FAM131B: variants seen among roughly 807,000 people sequenced by gnomAD.
The protein encoded by FAM131B is protein FAM131B.
Under a neutral mutation model 42.0 loss-of-function variants are expected in FAM131B, and 19 were observed. The observed-to-expected ratio is 0.45, with a 90% CI of 0.32 to 0.66. The LOEUF is 0.66. Ranked by LOEUF, FAM131B falls within the 30% of genes least tolerant of loss-of-function variation. FAM131B has a pLI of 0.05. For missense variants in FAM131B, 370 were observed against 468.4 expected (o/e 0.79, Z 1.94); for synonymous variants, 183 against 177.6 (o/e 1.03, Z -0.24).
chr7:143,353,956 A>C lies in FAM131B; in HGVS notation c.*2594T>G, dbSNP rs1803540249. On this transcript the variant is annotated 3_prime_UTR_variant, in exon 7 of 7. Transcript: ENST00000443739. ...AGCCCTGTTCCAGGACTGCTGTAAA[A>C]CGTGCTGCACAGCCTTAACCCCAAA... 6.6e-6 allele frequency: 1 copy of C among 152,298 alleles called. No homozygotes were observed. The highest frequency in any genetic ancestry group is 6.6e-5 in the Admixed American group (1 of 15,250). The allele number at this position is 152,298 out of a possible 1,614,324, so 9.4% of individuals were successfully genotyped here.
chr7:143,360,203 C>T lies in FAM131B; in HGVS notation c.29-54G>A, dbSNP rs568731964. ...CCCTCACCTCCCTGTGCAGCCGAGG[C>T]GACACCCTGGGGCCAGCCCTTCACA... On this transcript the variant is annotated intron_variant, in intron 1 of 6. Coordinates refer to ENST00000443739, the MANE Select transcript of FAM131B (RefSeq NM_001031690.3). 69 of 1,556,168 alleles carry T rather than the reference C, an allele frequency of 4.4e-5. 2 individuals carry two copies. Among genetic ancestry groups the T allele is most frequent in the African/African-American group, 1.1e-4 (8 of 73,218 alleles).
chr7:143,381,888 C>A, the FAM131B span: 1 of 1,111,672 alleles, frequency 9.0e-7, no homozygotes, highest in Non-Finnish European at 1.2e-6. Context: ...GGGCTGGGCG[C>A]AGCCACCCTG....
At chr7:143,372,780 G>A in the FAM131B span, among the ~76,000 whole-genome samples, 1 of 152,116 alleles carries the variant, frequency 6.6e-6, no homozygotes, top group Non-Finnish European at 1.5e-5. Flanking sequence ...CCGACATGGT[G>A]AAACCTCGTC....
At chr7:143,381,838 T>G in the FAM131B span, 1 of 1,425,426 alleles carries the variant, frequency 7.0e-7, no homozygotes. Context: ...GGGCAGTCGT[T>G]TCGGGAATTT....
chr7:143,381,541 C>T, the FAM131B span: 6 of 1,597,824 alleles, frequency 3.8e-6, no homozygotes, highest in East Asian at 9.1e-5. Context: ...CTGCGTAACC[C>T]GGCGACCCAC....
chr7:143,380,740 G>T, the FAM131B span: 2 of 985,386 alleles, frequency 2.0e-6, no homozygotes, highest in Non-Finnish European at 2.4e-6. This position sits in a 1 kb window ranked among gnomAD's most constrained non-coding sequence, Gnocchi z 5.0. Context: ...AGAGTCAGCT[G>T]GGGGGTGCTG....
At chr7:143,374,581 T>C in the FAM131B span, among the ~76,000 whole-genome samples, 6 of 152,324 alleles carry the variant, frequency 3.9e-5, no homozygotes, top group African/African-American at 7.2e-5. Context: ...TCTGCGGTAG[T>C]TCCCCATTGC....
At position 143,362,050 on chromosome 7, in the gene FAM131B, A is replaced by T; in HGVS notation, c.28+526T>A. 1 of 985,154 alleles carries T rather than the reference A, an allele frequency of 1.0e-6. No homozygotes were observed. The highest frequency in any genetic ancestry group is 1.2e-6 in the Non-Finnish European group (1 of 829,690). 61.0% of individuals were successfully genotyped at this position (985,154 alleles called of 1,614,324 possible). A position where few individuals can be genotyped will look rare whatever the true frequency, so the allele number is the denominator to read the frequency against. ...GCGAATCGGAGGAGGCAGGAACGACAGTAAAAGGCAACGGAGAGGGAGAGA... is the reference window on the plus strand; with the variant it reads ...GCGAATCGGAGGAGGCAGGAACGACTGTAAAAGGCAACGGAGAGGGAGAGA... On this transcript the variant is annotated intron_variant, in intron 1 of 6. Transcript: ENST00000443739. This position sits in a 1 kb window ranked among gnomAD's most constrained non-coding sequence, Gnocchi z 7.7.
At chr7:143,379,164 T>G in the FAM131B span, among the ~76,000 whole-genome samples, 1 of 152,214 alleles carries the variant, frequency 6.6e-6, no homozygotes. Flanking sequence ...AGAGGGTAGA[T>G]AGCTTTTATT....
the FAM131B span, among the ~76,000 whole-genome samples, chr7:143,367,988 C>T: frequency 1.3e-5 from 2 of 152,236 alleles, no homozygotes; most frequent in African/African-American, 4.8e-5. Context: ...ACCCCTACTG[C>T]AGATTTAGGG....
the FAM131B span, among the ~76,000 whole-genome samples, chr7:143,378,804 C>T: frequency 1.6e-4 from 25 of 152,058 alleles, 1 homozygote; most frequent in Admixed American, 1.5e-3. Flanking sequence ...CTCAAACTTC[C>T]GACCTCAAGT....
chr7:143,365,402 TA>T (rs1804158817), upstream of FAM131B, among the ~76,000 whole-genome samples: 2 of 152,160 alleles, frequency 1.3e-5, no homozygotes, highest in Non-Finnish European at 2.9e-5. Flanking sequence ...GAGAAAAAAA[TA>T]AAACTCACTT....
At chr7:143,361,932 C>T in intron 1 of FAM131B, 1 of 543,542 alleles carries the variant, frequency 1.8e-6, no homozygotes, top group Non-Finnish European at 2.3e-6. Flanking sequence ...TCCCCCAGCC[C>T]CTTCCCTCCA....
At chr7:143,380,609 G>A in the FAM131B span, 637 of 985,460 alleles carry the variant, frequency 6.5e-4, no homozygotes, top group Middle Eastern at 1.0e-3. The surrounding 1 kb of genome is among the most constrained non-coding windows in gnomAD (Gnocchi z 5.0). Context: ...TCTCGCAACC[G>A]ATCTGCTGGC....
At chr7:143,375,222 C>T in the FAM131B span, among the ~76,000 whole-genome samples, 1 of 152,318 alleles carries the variant, frequency 6.6e-6, no homozygotes, top group East Asian at 1.9e-4. Flanking sequence ...AACTCAGTTT[C>T]AGTCAGCAAA....
At chr7:143,367,220 G>T (rs907204936), upstream of FAM131B, among the ~76,000 whole-genome samples, 1 of 152,158 alleles carries the variant, frequency 6.6e-6, no homozygotes. Flanking sequence ...AGGATGAGAG[G>T]GTCCATGGCA....
upstream of FAM131B, among the ~76,000 whole-genome samples, chr7:143,363,509 C>T (rs1804093001): frequency 3.3e-5 from 5 of 152,090 alleles, no homozygotes; most frequent in African/African-American, 9.7e-5. Context: ...AAGGCGGTCC[C>T]GAAGCAGCAA....
chr7:143,379,359 G>GT, the FAM131B span, among the ~76,000 whole-genome samples: 1 of 152,168 alleles, frequency 6.6e-6, no homozygotes, highest in Non-Finnish European at 1.5e-5. Context: ...TGGCTTGAGC[G>GT]TGTCAGAGAG....
Position 143,360,086 on chromosome 7 carries a change from C to G in FAM131B, c.92G>C (p.Ser31Thr). 1 of 1,613,974 alleles carries G rather than the reference C, an allele frequency of 6.2e-7. No homozygotes were observed. Among genetic ancestry groups the G allele is most frequent in the South Asian group, 1.1e-5 (1 of 91,056 alleles). ...GCTGCTCCCGTGCAGTGAGCTGGTG[C>G]TGTCCATGTTGATTTGATCGACATC... Reference protein sequence around the residue: ...LKDVDQINMDSTSSLHGSSLH... With the variant: ...LKDVDQINMDTTSSLHGSSLH... Residue 31 changes from serine (S) to threonine (T), a missense_variant, in exon 2 of 7, where the codon AGC becomes ACC. Coordinates refer to ENST00000443739, the MANE Select transcript of FAM131B (RefSeq NM_001031690.3).
Sources: gnomAD v4.1 joint callset for allele counts (sites outside exome capture counted in the v4.1 genomes callset) on GRCh38, gnomAD v4.1.1 for gene constraint, Gnocchi (gnomAD v3.1) non-coding constraint, MANE v1.5 for transcripts, NCBI Gene and HGNC (gene_info 2026-07-23, HGNC 2026-07-21) for gene names.